Variants in PELI2 observed in about 807,000 individuals in gnomAD.
PELI2 encodes the protein E3 ubiquitin-protein ligase pellino homolog 2.
In PELI2, 23 loss-of-function variants were observed where a neutral mutation model predicts 42.3. That is an observed-to-expected ratio of 0.54 (90% CI 0.39 to 0.77). PELI2 has a LOEUF of 0.77. Among genes scored for constraint, PELI2 ranks in the 30% least tolerant of loss-of-function variants. The pLI, the probability that PELI2 is intolerant of heterozygous loss-of-function variation, is 0.00. For synonymous variants in PELI2, 245 were observed against 212.2 expected, an observed-to-expected ratio of 1.15 and a Z score of -1.34; for missense variants, 463 against 553.2, an observed-to-expected ratio of 0.84 and a Z score of 1.64.
intron 1 of PELI2, among the ~76,000 whole-genome samples, chr14:56,127,720 A>T (rs748227490): frequency 4.5e-4 from 68 of 152,358 alleles, no homozygotes; most frequent in Admixed American, 7.8e-4. Flanking sequence ...AAAGAAAATG[A>T]AAACATTCCT....
intron 2 of PELI2, among the ~76,000 whole-genome samples, chr14:56,190,192 T>C (rs1885909948): frequency 6.6e-6 from 1 of 152,160 alleles, no homozygotes; most frequent in Non-Finnish European, 1.5e-5. Context: ...TCATCAGCAG[T>C]TTTTCCCAGC....
chr14:56,178,613 G>A, intron 2 of PELI2, 149 bp downstream of exon 2: 1 of 905,756 alleles, frequency 1.1e-6, no homozygotes, highest in South Asian at 1.7e-5. Context: ...GTGAGGGGCT[G>A]TGCTGTGCAT....
intron 1 of PELI2, among the ~76,000 whole-genome samples, chr14:56,126,214 T>C (rs1303856005): frequency 6.6e-6 from 1 of 152,166 alleles, no homozygotes; most frequent in Admixed American, 6.5e-5. Context: ...TGCATTGCAG[T>C]GCGCCACAGT....
chr14:56,174,475 C>T (rs1885296711), intron 1 of PELI2, among the ~76,000 whole-genome samples: 1 of 152,164 alleles, frequency 6.6e-6, no homozygotes, highest in African/African-American at 2.4e-5. Flanking sequence ...AGCTCTGTGT[C>T]CCCACCCAAA....
At position 56,118,564 on chromosome 14, in the gene PELI2, G is replaced by T; in HGVS notation, c.-97G>T. On this transcript the variant is annotated 5_prime_UTR_variant, in exon 1 of 6. Coordinates refer to ENST00000267460, the MANE Select transcript of PELI2 (RefSeq NM_021255.3). ...TGCCCTTCCCCGGCGCGCTCACCCC[G>T]TTCTCGGGATGGGATTGTAGCGGCG... 3 of 762,976 alleles carry T rather than the reference G, an allele frequency of 3.9e-6. No individual in the cohort carries two copies. The highest frequency in any genetic ancestry group is 5.4e-6 in the Non-Finnish European group (3 of 550,726). The allele number at this position is 762,976 out of a possible 1,614,324, so 47.3% of individuals were successfully genotyped here.
chr14:56,219,765 T>C lies in PELI2; in HGVS notation c.207+41301T>C, dbSNP rs138959552. 6.6e-6 allele frequency among the ~76,000 whole-genome samples: 1 copy of C among 152,368 alleles called. No homozygotes were observed. Among genetic ancestry groups the C allele is most frequent in the Non-Finnish European group, 1.5e-5 (1 of 68,042 alleles). On this transcript the variant is annotated intron_variant, in intron 2 of 5. Coordinates refer to ENST00000267460, the MANE Select transcript of PELI2 (RefSeq NM_021255.3). This position sits in a 1 kb window ranked among gnomAD's most constrained non-coding sequence, Gnocchi z 4.1. ...AAACTGAAAAATGACACGACATGCC[T>C]TGACTCTATTCAGTTAGAGTCATTT...
intron 2 of PELI2, among the ~76,000 whole-genome samples, chr14:56,224,164 G>A (rs1487831734): frequency 1.3e-5 from 2 of 152,180 alleles, no homozygotes; most frequent in Non-Finnish European, 2.9e-5. Flanking sequence ...CCAGAATAAT[G>A]CCTAGATGGC....
intron 2 of PELI2, among the ~76,000 whole-genome samples, chr14:56,240,614 TGAG>T: frequency 6.6e-6 from 1 of 152,050 alleles, no homozygotes; most frequent in African/African-American, 2.4e-5. Context: ...TGGAAGGAGA[TGAG>T]GAGCAAGAGG....
chr14:56,150,052 G>A (rs139882635), intron 1 of PELI2, among the ~76,000 whole-genome samples: 1,947 of 152,286 alleles, frequency 0.013, 29 homozygotes, highest in Non-Finnish European at 0.021. Flanking sequence ...AGAGGAAAAC[G>A]TTAATAACTT....
chr14:56,193,849 G>A (rs771993630), intron 2 of PELI2, among the ~76,000 whole-genome samples: 2 of 152,150 alleles, frequency 1.3e-5, no homozygotes, highest in Non-Finnish European at 2.9e-5. Context: ...TATATAATTT[G>A]CCCCAGTTAT....
chr14:56,118,726 G>A lies in PELI2; in HGVS notation c.66G>A (p.Leu22=). Residue 22 remains leucine (L), a synonymous_variant, in exon 1 of 6, where the codon CTG becomes CTA. Transcript: ENST00000267460. ...AGGAGCCAGTGAAATACGGGGAGCTGGTGGTGCTCGGGTGAGTCCTGGGGT... is the reference window on the plus strand; with the variant it reads ...AGGAGCCAGTGAAATACGGGGAGCTAGTGGTGCTCGGGTGAGTCCTGGGGT... The part of the protein sequence containing the change: ...PNKEPVKYGE[L]VVLGYNGALP... 1.3e-6 allele frequency: 2 copies of A among 1,528,060 alleles called. No homozygotes were observed. Among genetic ancestry groups the A allele is most frequent in the Non-Finnish European group, 1.8e-6 (2 of 1,136,582 alleles). The allele number at this position is 1,528,060 out of a possible 1,614,324, so 94.7% of individuals were successfully genotyped here.
chr14:56,266,159 A>G (rs1761306995), intron 2 of PELI2, among the ~76,000 whole-genome samples: 1 of 152,104 alleles, frequency 6.6e-6, no homozygotes, highest in African/African-American at 2.4e-5. Flanking sequence ...TCATAGAAAT[A>G]CTAAAGAAAA....
chr14:56,266,279 A>T (rs948866018), intron 2 of PELI2, among the ~76,000 whole-genome samples: 4 of 152,026 alleles, frequency 2.6e-5, no homozygotes, highest in East Asian at 1.9e-4. Flanking sequence ...GAAACTTTTT[A>T]AAAAATCTGC....
chr14:56,183,329 A>G (rs1885655493), intron 2 of PELI2, among the ~76,000 whole-genome samples: 1 of 152,224 alleles, frequency 6.6e-6, no homozygotes, highest in South Asian at 2.1e-4. Context: ...TCTAGAATCA[A>G]GAACAATTTG....
chr14:56,284,060 T>C (rs918403789), intron 3 of PELI2, among the ~76,000 whole-genome samples: 4 of 152,186 alleles, frequency 2.6e-5, no homozygotes, highest in African/African-American at 9.7e-5. Context: ...ATTAAAATGA[T>C]TTCTAGGGTT....
At chr14:56,217,581 A>G (rs947591032) in intron 2 of PELI2, among the ~76,000 whole-genome samples, 3 of 152,280 alleles carry the variant, frequency 2.0e-5, no homozygotes, top group Non-Finnish European at 4.4e-5. Context: ...TGCATCAGGA[A>G]ACTGTGTAGT....
intron 2 of PELI2, among the ~76,000 whole-genome samples, chr14:56,236,052 A>C (rs1887781803): frequency 6.6e-6 from 1 of 152,204 alleles, no homozygotes; most frequent in South Asian, 2.1e-4. Context: ...TATTACTTTA[A>C]AAAAATTATC....
chr14:56,182,200 G>C (rs1465412532), intron 2 of PELI2, among the ~76,000 whole-genome samples: 3 of 151,996 alleles, frequency 2.0e-5, no homozygotes, highest in African/African-American at 7.3e-5. Context: ...GTGAGCTGGA[G>C]AGGAGAGAGG....
chr14:56,135,558 T>A (rs1883656072), intron 1 of PELI2, among the ~76,000 whole-genome samples: 3 of 152,228 alleles, frequency 2.0e-5, no homozygotes, highest in Admixed American at 6.5e-5. Context: ...TCAAGTGAGA[T>A]TTCTTCAAGA....
Sources: gnomAD v4.1 joint callset for allele counts (sites outside exome capture counted in the v4.1 genomes callset) on GRCh38, gnomAD v4.1.1 for gene constraint, Gnocchi (gnomAD v3.1) non-coding constraint, MANE v1.5 for transcripts, NCBI Gene and HGNC (gene_info 2026-07-23, HGNC 2026-07-21) for gene names.